The following DLGAP1 variants were observed in gnomAD, a reference collection of about 807,000 sequenced individuals.
DLGAP1 encodes the protein disks large-associated protein 1.
In DLGAP1, 11 loss-of-function variants were observed where a neutral mutation model predicts 90.8. That is an observed-to-expected ratio of 0.12 (90% CI 0.08 to 0.20). The LOEUF (loss-of-function observed/expected upper bound fraction) is 0.20, where lower values mean the gene tolerates loss of function less well. Ranked by LOEUF, DLGAP1 falls within the 10% of genes least tolerant of loss-of-function variation. The pLI is 1.00. For missense variants in DLGAP1, 1,050 were observed against 1,333.8 expected (o/e 0.79, Z 3.31); for synonymous variants, 558 against 540.7 (o/e 1.03, Z -0.44).
intron 1 of DLGAP1, among the ~76,000 whole-genome samples, chr18:4,264,368 G>A (rs772101965): frequency 5.3e-5 from 8 of 152,164 alleles, no homozygotes; most frequent in Non-Finnish European, 1.0e-4. Flanking sequence ...TCCGGTCAGA[G>A]GAACAAAGTT....
intron 3 of DLGAP1, among the ~76,000 whole-genome samples, chr18:3,985,383 G>A (rs2073821321): frequency 6.6e-6 from 1 of 152,130 alleles, no homozygotes; most frequent in Non-Finnish European, 1.5e-5. Flanking sequence ...CAAATAAAAA[G>A]TTAAGCTAAT....
chr18:3,892,943 G>A (rs183757138), intron 3 of DLGAP1, among the ~76,000 whole-genome samples: 275 of 148,876 alleles, frequency 1.8e-3, no homozygotes, highest in African/African-American at 6.5e-3. Flanking sequence ...TAGGTTTAGG[G>A]GATACAAGTG....
At chr18:4,228,099 A>G (rs2078229564) in intron 1 of DLGAP1, among the ~76,000 whole-genome samples, 1 of 151,568 alleles carries the variant, frequency 6.6e-6, no homozygotes, top group East Asian at 1.9e-4. Context: ...TAGAAAAACT[A>G]GAAGAAATGA....
chr18:3,598,053 A>C (rs2056682677), intron 7 of DLGAP1: 1 of 152,344 alleles, frequency 6.6e-6, no homozygotes, highest in Non-Finnish European at 1.5e-5. Flanking sequence ...TTAGTGCTTA[A>C]AAAAATTATG....
chr18:3,781,559 T>C (rs1216385382), intron 5 of DLGAP1, among the ~76,000 whole-genome samples: 1 of 152,106 alleles, frequency 6.6e-6, no homozygotes, highest in Non-Finnish European at 1.5e-5. Flanking sequence ...TTCACCATGT[T>C]GGCCAGGCTG....
chr18:3,609,824 G>A (rs1233042767), intron 7 of DLGAP1, among the ~76,000 whole-genome samples: 5 of 151,756 alleles, frequency 3.3e-5, no homozygotes, highest in South Asian at 2.1e-4. Context: ...TTGGGAGGCC[G>A]AGGTGGGTGG....
chr18:4,329,008 G>T (rs187574091), intron 1 of DLGAP1, among the ~76,000 whole-genome samples: 2 of 151,930 alleles, frequency 1.3e-5, no homozygotes, highest in African/African-American at 4.8e-5. Context: ...TTTGTAAGTA[G>T]TATATTGTGA....
In DLGAP1 at chr18:3,653,322, A is replaced by G. The variant is rs538726734; in HGVS notation, c.1592-71074T>C. The G allele has an allele frequency of 1.4e-4, 22 of 152,264 alleles. No individual in the cohort carries two copies. The highest frequency in any genetic ancestry group is 3.4e-3 in the Middle Eastern group (1 of 294). 9.4% of individuals were successfully genotyped at this position (152,264 alleles called of 1,614,324 possible). A position where few individuals can be genotyped will look rare whatever the true frequency, so the allele number is the denominator to read the frequency against. On this transcript the variant is annotated intron_variant, in intron 7 of 12. Transcript: ENST00000315677. The surrounding 1 kb of genome is among the most constrained non-coding windows in gnomAD (Gnocchi z 4.6). Reference sequence around the variant, plus strand: ...ATTTTCTCGGAGTTTGGGATTATCAATCTAAAATCAGAGGTGAGAATTCAT... The same window carrying G: ...ATTTTCTCGGAGTTTGGGATTATCAGTCTAAAATCAGAGGTGAGAATTCAT...
intron 2 of DLGAP1, among the ~76,000 whole-genome samples, chr18:4,025,069 G>A (rs1465666286): frequency 6.6e-6 from 1 of 152,156 alleles, no homozygotes; most frequent in African/African-American, 2.4e-5. Flanking sequence ...CACTTATAAA[G>A]TGGCAAGCAC....
intron 3 of DLGAP1, among the ~76,000 whole-genome samples, chr18:3,959,893 G>T (rs2073163654): frequency 6.6e-6 from 1 of 152,060 alleles, no homozygotes. Context: ...TTACACTAAG[G>T]CTTGGAATGA....
At chr18:4,279,537 G>T (rs2079500637) in intron 1 of DLGAP1, among the ~76,000 whole-genome samples, 1 of 152,156 alleles carries the variant, frequency 6.6e-6, no homozygotes, top group Admixed American at 6.5e-5. Context: ...TGCCTGATGT[G>T]TAAGATTCAA....
intron 9 of DLGAP1, among the ~76,000 whole-genome samples, chr18:3,550,276 A>G (rs2053312809): frequency 6.6e-6 from 1 of 152,158 alleles, no homozygotes; most frequent in South Asian, 2.1e-4. Context: ...CCTAGGCTGC[A>G]GTGCAGTGGC....
intron 2 of DLGAP1, among the ~76,000 whole-genome samples, chr18:4,097,047 T>C (rs150716504): frequency 6.6e-6 from 1 of 152,358 alleles, no homozygotes; most frequent in East Asian, 1.9e-4. Flanking sequence ...GCTTATCTTC[T>C]GTTTTGTTTC....
In DLGAP1 at chr18:3,502,565, A is replaced by G. The variant is rs775774125; in HGVS notation, c.2652T>C (p.Ile884=). 6.2e-7 allele frequency: 1 copy of G among 1,614,024 alleles called. No homozygotes were observed. The highest frequency in any genetic ancestry group is 8.5e-7 in the Non-Finnish European group (1 of 1,180,020). ...GATGAAGTTCATCAAATTTCATACT[A>G]ATATTTTCTATGGACAACTGCAGCA... ...WDMLQLSIEN[I]SMKFDELHQL... The change falls in exon 12 of 13, where the codon ATT becomes ATC. Residue 884 remains isoleucine, a synonymous_variant. Coordinates refer to ENST00000315677, the MANE Select transcript of DLGAP1 (RefSeq NM_004746.4).
intron 1 of DLGAP1, among the ~76,000 whole-genome samples, chr18:4,447,515 A>T (rs1188237722): frequency 6.6e-6 from 1 of 152,168 alleles, no homozygotes; most frequent in Non-Finnish European, 1.5e-5. Context: ...CAGTGGGCTG[A>T]GTCCCTCTGA....
At chr18:3,776,563 G>A (rs1175583758) in intron 5 of DLGAP1, among the ~76,000 whole-genome samples, 2 of 152,154 alleles carry the variant, frequency 1.3e-5, no homozygotes, top group South Asian at 2.1e-4. Flanking sequence ...TCTTGGGGCT[G>A]TGCCGACTCT....
intron 3 of DLGAP1, among the ~76,000 whole-genome samples, chr18:3,978,928 G>A (rs1010682820): frequency 1.3e-5 from 2 of 152,144 alleles, no homozygotes; most frequent in Admixed American, 6.5e-5. Flanking sequence ...GAAAGTGTAC[G>A]TAGGTAAATC....
At chr18:3,842,078 G>T (rs1444093778) in intron 4 of DLGAP1, among the ~76,000 whole-genome samples, 1 of 143,500 alleles carries the variant, frequency 7.0e-6, no homozygotes, top group Admixed American at 7.1e-5. Context: ...GGAAAGTTGG[G>T]AAGAGGTTAA....
At chr18:3,635,042 T>C (rs1159868726) in intron 7 of DLGAP1, among the ~76,000 whole-genome samples, 3 of 152,018 alleles carry the variant, frequency 2.0e-5, no homozygotes, top group African/African-American at 7.2e-5. Flanking sequence ...ATCACTACAA[T>C]AGAAGATACA....
Sources: allele counts gnomAD v4.1 joint callset (sites outside exome capture counted in the v4.1 genomes callset), GRCh38; gene constraint gnomAD v4.1.1; non-coding constraint Gnocchi (gnomAD v3.1); transcripts MANE v1.5; gene names NCBI Gene and HGNC (gene_info 2026-07-23, HGNC 2026-07-21).